KLK13: variants seen among roughly 807,000 people sequenced by gnomAD.
KLK13 encodes the protein kallikrein related peptidase 13, also known as kallikrein-13.
Under a neutral mutation model 22.4 loss-of-function variants are expected in KLK13, and 19 were observed. That is an observed-to-expected ratio of 0.85 (90% CI 0.59 to 1.24). KLK13 has a LOEUF of 1.24. KLK13 is among the 50% of genes most tolerant of loss of function. KLK13 has a pLI of 0.00. For missense variants in KLK13, 311 were observed against 347.9 expected (o/e 0.89, Z 0.84); for synonymous variants, 156 against 141.8 (o/e 1.10, Z -0.71).
rs1027762479 is a variant in KLK13 at position 51,058,797 on chromosome 19, G to C, written c.509-123C>G. ...AATTGAGATGGGAAGAGAAAGATGG[G>C]AGAAGAGATGAGCACCTATCTGGGT... On this transcript the variant is annotated intron_variant, in intron 3 of 4. Coordinates refer to ENST00000595793, the MANE Select transcript of KLK13 (RefSeq NM_015596.3). The C allele has an allele frequency of 4.5e-5, 42 of 923,632 alleles. No individual in the cohort carries two copies. The South Asian group carries it at 6.3e-4, about 14-fold the overall frequency. 57.2% of individuals were successfully genotyped at this position (923,632 alleles called of 1,614,324 possible).
intron 1 of KLK13, among the ~76,000 whole-genome samples, chr19:51,062,001 T>C (rs963115827): frequency 1.3e-5 from 2 of 152,222 alleles, no homozygotes; most frequent in Non-Finnish European, 2.9e-5. Flanking sequence ...TTCCTCTCTC[T>C]GCACAGTCCT....
intron 1 of KLK13, chr19:51,064,510 A>G: frequency 2.8e-6 from 1 of 355,468 alleles, no homozygotes; most frequent in Non-Finnish European, 5.5e-6. Flanking sequence ...AAAAAAAAAA[A>G]GGAATACTAC....
intron 4 of KLK13, among the ~76,000 whole-genome samples, 183 bp from the exon 5 acceptor site, chr19:51,056,958 C>A (rs776179647): frequency 1.3e-5 from 2 of 152,130 alleles, no homozygotes; most frequent in South Asian, 2.1e-4. Flanking sequence ...GAGAAACAGA[C>A]AAGAAGACAA....
In KLK13 at chr19:51,055,963, A is replaced by AT. The variant is rs1171726155; in HGVS notation, c.*623dup. Among the ~76,000 whole-genome samples the AT allele has an allele frequency of 3.9e-5, 6 of 152,244 alleles. No homozygotes were observed. Among genetic ancestry groups the AT allele is most frequent in the African/African-American group, 1.4e-4 (6 of 41,556 alleles). ...AGGTGGGGTATTGGAAGAATGTGGG[A>AT]TGTAGGTTGGGTTGGGACTTCTGAG... On this transcript the variant is annotated 3_prime_UTR_variant, in exon 5 of 5. Coordinates refer to ENST00000595793, the MANE Select transcript of KLK13 (RefSeq NM_015596.3).
chr19:51,061,812 G>A (rs919143854), intron 1 of KLK13, among the ~76,000 whole-genome samples: 13 of 152,354 alleles, frequency 8.5e-5, no homozygotes, highest in African/African-American at 3.1e-4. Context: ...CCCAAGGTGT[G>A]CAGGACTCTG....
Position 51,060,004 on chromosome 19 carries a change from G to A in KLK13, c.329C>T (p.Pro110Leu), listed in dbSNP as rs759145749. 4.3e-6 allele frequency: 7 copies of A among 1,613,796 alleles called. No homozygotes were observed. The highest frequency in any genetic ancestry group is 4.5e-5 in the East Asian group (2 of 44,884). Reference protein sequence around the residue: ...VREVVHSIPHPEYRRSPTHLN... With the variant: ...VREVVHSIPHLEYRRSPTHLN... ...GTGGGTGGGGCTTCTCCGGTATTCA[G>A]GGTGGGGGATAGAGTGGACAACTTC... Residue 110 changes from proline to leucine, a missense_variant, in exon 3 of 5, where the codon CCT (proline) becomes CTT (leucine). Transcript: ENST00000595793.
intron 3 of KLK13, 181 bp downstream of exon 3, chr19:51,059,644 T>C (rs2091707210): frequency 6.0e-6 from 2 of 334,896 alleles, no homozygotes; most frequent in Non-Finnish European, 1.0e-5. Context: ...ATACTCATAT[T>C]TTTATATATT....
intron 3 of KLK13, 42 bp from the exon 4 acceptor site, chr19:51,058,716 TAG>T: frequency 6.2e-7 from 1 of 1,607,674 alleles, no homozygotes; most frequent in East Asian, 2.2e-5. Context: ...CCGACCTGGA[TAG>T]GATATGGGAT....
chr19:51,065,087 GAGGGCAGGGC>G, exon 1 of KLK13: 1 of 1,450,038 alleles, frequency 6.9e-7, no homozygotes, highest in Non-Finnish European at 9.4e-7. Flanking sequence ...ATCGGGAGGG[GAGGGCAGGGC>G]GGGCGGGGCC....
intron 1 of KLK13, among the ~76,000 whole-genome samples, chr19:51,061,666 A>G (rs147198692): frequency 3.3e-5 from 5 of 152,380 alleles, no homozygotes; most frequent in African/African-American, 1.2e-4. Flanking sequence ...AATGACTACA[A>G]CATTAACCTA....
Position 51,059,901 on chromosome 19 carries a change from G to A in KLK13, c.432C>T (p.Pro144=). ...VQLTGYIQTL[P]LSHNNRLTPG... is the part of the protein sequence containing the mutation. ...GGGTTAGGCGGTTGTTGTGGGAAAG[G>A]GGCAGGGTTTGGATGTAGCCTGTGA... The change falls in exon 3 of 5, where the codon CCC becomes CCT. Residue 144 remains proline (P), a synonymous_variant. Coordinates refer to ENST00000595793, the MANE Select transcript of KLK13 (RefSeq NM_015596.3). 1 of 1,605,552 alleles carries A rather than the reference G, an allele frequency of 6.2e-7. No homozygotes were observed. The highest frequency in any genetic ancestry group is 8.5e-7 in the Non-Finnish European group (1 of 1,175,610).
At chr19:51,062,384 T>A (rs974543379) in intron 1 of KLK13, among the ~76,000 whole-genome samples, 1 of 152,326 alleles carries the variant, frequency 6.6e-6, no homozygotes, top group East Asian at 1.9e-4. Context: ...TTCCAGTTGG[T>A]CTTCATCAGA....
chr19:51,058,536 A>C lies in KLK13; in HGVS notation c.645+2T>G. On this transcript the variant is annotated splice_donor_variant, in intron 4 of 4. Transcript: ENST00000595793. LOFTEE classifies it high-confidence loss of function. ...AGGCACCCACCAGCCTCCCGGCCTC[A>C]CCTCACAGGAGTCTTTGCCACCCTC... 1.2e-6 allele frequency: 2 copies of C among 1,614,000 alleles called. No individual in the cohort carries two copies. Among genetic ancestry groups the C allele is most frequent in the Non-Finnish European group, 1.7e-6 (2 of 1,179,986 alleles).
At chr19:51,056,858 G>C in intron 4 of KLK13, 83 bp from the exon 5 acceptor site, 2 of 1,021,360 alleles carry the variant, frequency 2.0e-6, no homozygotes, top group Non-Finnish European at 2.9e-6. Flanking sequence ...TGGGGAGAGA[G>C]TGAAAGATGG....
At chr19:51,064,939 C>G in intron 1 of KLK13, 77 bp downstream of exon 1, 3 of 1,267,970 alleles carry the variant, frequency 2.4e-6, no homozygotes, top group Admixed American at 2.7e-5. Flanking sequence ...GGCTCCCACG[C>G]CCCCTCCCCC....
intron 1 of KLK13, among the ~76,000 whole-genome samples, chr19:51,062,687 G>C (rs1367552944): frequency 3.3e-5 from 5 of 151,850 alleles, no homozygotes; most frequent in Admixed American, 1.3e-4. Context: ...CAAATCACCA[G>C]CCTCAGTTTC....
At chr19:51,063,477 T>C (rs1027389343) in intron 1 of KLK13, 2 of 349,892 alleles carry the variant, frequency 5.7e-6, no homozygotes, top group African/African-American at 4.3e-5. Flanking sequence ...AAAACAACCT[T>C]GATTAGGATT....
In KLK13 at chr19:51,056,458, A is replaced by G. The variant is rs974431575; in HGVS notation, c.*129T>C. ...TCTGAAACATGGAATGTTAGCTGAG[A>G]TTGAGCATTTTTCAGGACATGGATC... On this transcript the variant is annotated 3_prime_UTR_variant, in exon 5 of 5. Coordinates refer to ENST00000595793, the MANE Select transcript of KLK13 (RefSeq NM_015596.3). 4.1e-6 allele frequency: 4 copies of G among 965,370 alleles called. No homozygotes were observed. In the African/African-American group the frequency reaches 6.5e-5, roughly 16 times the overall value. 59.8% of individuals were successfully genotyped at this position (965,370 alleles called of 1,614,324 possible). A position where few individuals can be genotyped will look rare whatever the true frequency, so the allele number is the denominator to read the frequency against.
intron 2 of KLK13, 94 bp from the exon 3 acceptor site, chr19:51,060,187 C>T: frequency 6.9e-7 from 1 of 1,451,668 alleles, no homozygotes; most frequent in Non-Finnish European, 9.4e-7. Flanking sequence ...AACCTAACTT[C>T]TTCTCCATCC....
Sources: allele counts gnomAD v4.1 joint callset (sites outside exome capture counted in the v4.1 genomes callset), GRCh38; gene constraint gnomAD v4.1.1; transcripts MANE v1.5; gene names NCBI Gene and HGNC (gene_info 2026-07-23, HGNC 2026-07-21).